Variants in PTPRR observed in about 807,000 individuals in gnomAD.
PTPRR encodes the protein protein tyrosine phosphatase receptor type R, also known as receptor-type tyrosine-protein phosphatase R.
A neutral mutation model predicts 77.2 loss-of-function variants in PTPRR; 38 were observed. The observed-to-expected ratio is 0.49, with a 90% CI of 0.38 to 0.65. PTPRR has a LOEUF of 0.65. PTPRR is among the 30% of genes least tolerant of loss of function. PTPRR has a pLI of 0.00. For missense variants in PTPRR, 744 were observed against 799.2 expected (o/e 0.93, Z 0.83); for synonymous variants, 299 against 283.1 (o/e 1.06, Z -0.57).
intron 2 of PTPRR, among the ~76,000 whole-genome samples, chr12:70,867,939 G>C (rs1032999433): frequency 6.6e-6 from 1 of 152,132 alleles, no homozygotes; most frequent in Non-Finnish European, 1.5e-5. Context: ...AATGGGGAAA[G>C]GATTCCCTAT....
At chr12:70,833,955 G>A (rs1892259406) in intron 2 of PTPRR, among the ~76,000 whole-genome samples, 1 of 152,070 alleles carries the variant, frequency 6.6e-6, no homozygotes, top group Non-Finnish European at 1.5e-5. Flanking sequence ...TCTATCAGTG[G>A]GCTTTCTAGA....
At chr12:70,867,523 A>G (rs1168682218) in intron 2 of PTPRR, among the ~76,000 whole-genome samples, 1 of 151,896 alleles carries the variant, frequency 6.6e-6, no homozygotes, top group African/African-American at 2.4e-5. Flanking sequence ...ACCACTGCTC[A>G]ATGAAATAAA....
chr12:70,704,692 A>G (rs1888553498), intron 6 of PTPRR, among the ~76,000 whole-genome samples: 1 of 152,168 alleles, frequency 6.6e-6, no homozygotes, highest in South Asian at 2.1e-4. Context: ...TATTACAGTC[A>G]GAAAGACATT....
At chr12:70,672,956 C>T in intron 10 of PTPRR, 2 of 1,410,992 alleles carry the variant, frequency 1.4e-6, no homozygotes, top group Non-Finnish European at 1.9e-6. Flanking sequence ...GGGCAGGTGC[C>T]AGCCCTGTAA....
intron 1 of PTPRR, among the ~76,000 whole-genome samples, chr12:70,918,294 C>T (rs549501566): frequency 1.3e-5 from 2 of 152,170 alleles, no homozygotes; most frequent in African/African-American, 4.8e-5. Flanking sequence ...ATTAAACTTA[C>T]AATCTGCTGT....
intron 10 of PTPRR, among the ~76,000 whole-genome samples, chr12:70,663,757 T>C (rs1390140639): frequency 6.6e-6 from 1 of 152,208 alleles, no homozygotes; most frequent in Non-Finnish European, 1.5e-5. Context: ...TTTAGAAATG[T>C]TTAAATAGCA....
At chr12:70,812,912 C>A (rs902131143) in intron 2 of PTPRR, among the ~76,000 whole-genome samples, 10 of 152,184 alleles carry the variant, frequency 6.6e-5, no homozygotes, top group African/African-American at 2.4e-4. Context: ...AATCAGCCCC[C>A]AGTTTAATTG....
At chr12:70,729,326 G>GTCTA (rs58783163) in intron 6 of PTPRR, among the ~76,000 whole-genome samples, 11,319 of 150,974 alleles carry the variant, frequency 0.075, 430 homozygotes, top group African/African-American at 0.098. Context: ...GTATCTATCT[G>GTCTA]TCTATCTATC....
chr12:70,679,355 G>A (rs1415324974), intron 10 of PTPRR, among the ~76,000 whole-genome samples: 1 of 152,110 alleles, frequency 6.6e-6, no homozygotes, highest in Non-Finnish European at 1.5e-5. Flanking sequence ...AGAAAAACGT[G>A]TATTCTGCAG....
chr12:70,694,104 C>A (rs1888146939), intron 8 of PTPRR, among the ~76,000 whole-genome samples: 1 of 152,096 alleles, frequency 6.6e-6, no homozygotes, highest in African/African-American at 2.4e-5. Context: ...GAAATCAAAT[C>A]TAATTCCAGT....
At chr12:70,805,021 T>C (rs1891684127) in intron 2 of PTPRR, among the ~76,000 whole-genome samples, 1 of 152,204 alleles carries the variant, frequency 6.6e-6, no homozygotes, top group Admixed American at 6.5e-5. Flanking sequence ...ACGAACGAGA[T>C]AGTATATATC....
At position 70,910,576 on chromosome 12, in the gene PTPRR, T is replaced by C. The variant is rs1893685964; in HGVS notation, c.58+9757A>G. 5.9e-5 allele frequency among the ~76,000 whole-genome samples: 9 copies of C among 152,218 alleles called. 1 individual carries two copies. In the South Asian group the frequency reaches 1.7e-3, roughly 28 times the overall value. ...GTCTTGAGAGGAAGACTTTTTATTA[T>C]GTTTCTGTAGCTTCAGTTAATGCTC... On this transcript the variant is annotated intron_variant, in intron 1 of 13. Transcript: ENST00000283228.
chr12:70,644,154 T>C (rs1436146273), intron 13 of PTPRR, among the ~76,000 whole-genome samples: 12 of 152,232 alleles, frequency 7.9e-5, no homozygotes, highest in Non-Finnish European at 1.5e-4. Flanking sequence ...CGTTTTGTCA[T>C]TGGAACACTA....
At chr12:70,715,032 T>G (rs527759289) in intron 6 of PTPRR, among the ~76,000 whole-genome samples, 132 of 152,026 alleles carry the variant, frequency 8.7e-4, no homozygotes, top group South Asian at 7.3e-3. Context: ...TAATTTTTTT[T>G]TTGTTATTTA....
chr12:70,754,835 C>T, intron 4 of PTPRR: 1 of 1,176,578 alleles, frequency 8.5e-7, no homozygotes, highest in Non-Finnish European at 1.1e-6. Context: ...CAAATAGAGT[C>T]TCTGCTGTCA....
intron 2 of PTPRR, among the ~76,000 whole-genome samples, chr12:70,855,777 G>A (rs1892641297): frequency 1.3e-5 from 2 of 152,084 alleles, no homozygotes; most frequent in African/African-American, 4.8e-5. Flanking sequence ...CGTTTTTAAG[G>A]CTTTTAGGCC....
chr12:70,831,342 GAACC>G (rs1892208717), intron 2 of PTPRR, among the ~76,000 whole-genome samples: 1 of 152,098 alleles, frequency 6.6e-6, no homozygotes, highest in South Asian at 2.1e-4. Flanking sequence ...TCACTATTTT[GAACC>G]CAGCAGTCTT....
chr12:70,788,000 C>A (rs1429566160), intron 2 of PTPRR, among the ~76,000 whole-genome samples: 2 of 152,140 alleles, frequency 1.3e-5, no homozygotes, highest in Non-Finnish European at 2.9e-5. Flanking sequence ...TTGTCCAGAA[C>A]TTCGTACAAT....
chr12:70,735,995 G>A (rs1023254449), intron 6 of PTPRR, among the ~76,000 whole-genome samples: 10 of 152,140 alleles, frequency 6.6e-5, no homozygotes, highest in Non-Finnish European at 1.3e-4. Flanking sequence ...TGAAGTGGGC[G>A]AGTTATTATG....
Sources: allele counts gnomAD v4.1 joint callset (sites outside exome capture counted in the v4.1 genomes callset), GRCh38; gene constraint gnomAD v4.1.1; transcripts MANE v1.5; gene names NCBI Gene and HGNC (gene_info 2026-07-23, HGNC 2026-07-21).